The following ADCY5 variants were observed in gnomAD, a reference collection of about 807,000 sequenced individuals.
ADCY5 encodes adenylate cyclase type 5.
A neutral mutation model predicts 119.7 loss-of-function variants in ADCY5; 30 were observed. The observed-to-expected ratio is 0.25, with a 90% CI of 0.19 to 0.34. ADCY5 has a LOEUF of 0.34. Among genes scored for constraint, ADCY5 ranks in the 10% least tolerant of loss-of-function variants. ADCY5 has a pLI of 1.00. For missense variants in ADCY5, 1,324 were observed against 1,775.2 expected, an observed-to-expected ratio of 0.75 and a Z score of 4.57; for synonymous variants, 753 against 762.2, an observed-to-expected ratio of 0.99 and a Z score of 0.20.
intron 1 of ADCY5, among the ~76,000 whole-genome samples, chr3:123,379,675 G>C (rs1040516728): frequency 6.6e-6 from 1 of 151,966 alleles, no homozygotes; most frequent in Non-Finnish European, 1.5e-5. Context: ...TGCACAGAGC[G>C]GGGGTGGGTG....
In ADCY5 at chr3:123,291,166, C is replaced by T. The variant is rs1553717600; in HGVS notation, c.3274G>A (p.Glu1092Lys). The change falls in exon 18 of 21, where the codon GAG becomes AAG. Residue 1092 changes from glutamate to lysine, a missense_variant. By Grantham distance (56) the Glu-to-Lys change is moderately conservative. This residue lies in a region of ADCY5 where 178 missense variants were observed against 329.6 expected (regional missense o/e 0.54). Coordinates refer to ENST00000462833, the MANE Select transcript of ADCY5 (RefSeq NM_183357.3). ...AGTAGCCGCAGGCACTCGACACCCT[C>T]GTTGTTGGCCTCCAGCTCAACGTAG... ...EFYVELEANN[E>K]GVECLRLLNE... 6.2e-7 allele frequency: 1 copy of T among 1,614,114 alleles called. No homozygotes were observed.
At position 123,286,654 on chromosome 3, in the gene ADCY5, G is replaced by A. The variant is rs1938786712; in HGVS notation, c.3657+31C>T. On this transcript the variant is annotated intron_variant, in intron 20 of 20. Transcript: ENST00000462833. The surrounding 1 kb of genome is among the most constrained non-coding windows in gnomAD (Gnocchi z 4.2). ...GTGTCAGACACAGGACCTCCCATGG[G>A]GTGAGGGGTGGTGGATGCTCCTGCA... 1 of 1,581,558 alleles carries A rather than the reference G, an allele frequency of 6.3e-7. No homozygotes were observed. The highest frequency in any genetic ancestry group is 1.4e-5 in the African/African-American group (1 of 74,062).
intron 1 of ADCY5, among the ~76,000 whole-genome samples, chr3:123,410,913 G>A (rs1396715973): frequency 1.3e-5 from 2 of 151,994 alleles, no homozygotes; most frequent in African/African-American, 4.8e-5. Flanking sequence ...CTCCCAAAGT[G>A]CTGGGATTAC....
intron 1 of ADCY5, among the ~76,000 whole-genome samples, chr3:123,436,937 C>T (rs1945628798): frequency 6.6e-6 from 1 of 152,006 alleles, no homozygotes; most frequent in Admixed American, 6.6e-5. Flanking sequence ...TCAAGTCAGA[C>T]CTGGGTTAGA....
At position 123,289,895 on chromosome 3, in the gene ADCY5, G is replaced by A; in HGVS notation, c.3387C>T (p.Tyr1129=). Residue 1129 remains tyrosine, a synonymous_variant, in exon 19 of 21, where the codon TAC becomes TAT. Transcript: ENST00000462833. ...AGTCGTTGAGGCCGGAGGCAGCCATGTAGGTGCTGCCGATGGTCTTGATCT... is the reference window on the plus strand; with the variant it reads ...AGTCGTTGAGGCCGGAGGCAGCCATATAGGTGCTGCCGATGGTCTTGATCT... ...LEKIKTIGST[Y]MAASGLNDST... The A allele has an allele frequency of 3.1e-6, 5 of 1,614,218 alleles. No homozygotes were observed. Among genetic ancestry groups the A allele is most frequent in the Non-Finnish European group, 4.2e-6 (5 of 1,180,042 alleles).
chr3:123,319,646 G>A (rs772004871), intron 10 of ADCY5, 28 bp downstream of exon 10: 1 of 1,610,566 alleles, frequency 6.2e-7, no homozygotes, highest in African/African-American at 1.3e-5. Flanking sequence ...TCAGCACAGG[G>A]GCCTCCTTCC....
In ADCY5 at chr3:123,334,969, C is replaced by T. The variant is rs143044834; in HGVS notation, c.1407-2294G>A. 2.6e-5 allele frequency among the ~76,000 whole-genome samples: 4 copies of T among 152,246 alleles called. No homozygotes were observed. In the East Asian group the frequency reaches 7.7e-4, roughly 29 times the overall value. On this transcript the variant is annotated intron_variant, in intron 3 of 20. Coordinates refer to ENST00000462833, the MANE Select transcript of ADCY5 (RefSeq NM_183357.3). ...CTTTATATTCCCATGCTTTGACATC[C>T]AAGGCTCCCGAGAGTTGGTGCCTCC...
In ADCY5 at chr3:123,297,854, G is replaced by T. The variant is rs540749979; in HGVS notation, c.2901-472C>A. 6.1e-4 allele frequency among the ~76,000 whole-genome samples: 93 copies of T among 152,154 alleles called. 1 individual carries two copies. The South Asian group carries it at 0.018, about 30-fold the overall frequency. On this transcript the variant is annotated intron_variant, in intron 15 of 20. Coordinates refer to ENST00000462833, the MANE Select transcript of ADCY5 (RefSeq NM_183357.3). ...GTTTTGAATAATTAGTGTAAAAAAA[G>T]GTAAAATATTTCATTAAGAATTTTA...
At chr3:123,337,503 C>G (rs752082234) in intron 3 of ADCY5, among the ~76,000 whole-genome samples, 41 of 152,230 alleles carry the variant, frequency 2.7e-4, no homozygotes, top group Non-Finnish European at 5.3e-4. Context: ...GGGCCCTGCT[C>G]CCGCTGAAAC....
At chr3:123,312,923 C>A (rs531877664) in intron 12 of ADCY5, among the ~76,000 whole-genome samples, 16 of 141,434 alleles carry the variant, frequency 1.1e-4, no homozygotes, top group Admixed American at 3.4e-4. Context: ...GGGGCCTTGA[C>A]AACAGAAAGA....
At chr3:123,438,157 A>T (rs1010225474) in intron 1 of ADCY5, among the ~76,000 whole-genome samples, 2 of 152,212 alleles carry the variant, frequency 1.3e-5, no homozygotes, top group African/African-American at 4.8e-5. Context: ...TGTATCCTAA[A>T]GCGTGTCCTA....
chr3:123,334,008 T>A (rs1051993135), intron 3 of ADCY5, among the ~76,000 whole-genome samples: 2 of 152,152 alleles, frequency 1.3e-5, no homozygotes, highest in Non-Finnish European at 2.9e-5. Context: ...CTTTCACCCG[T>A]CCCTGTGGCT....
chr3:123,408,234 G>A (rs899545916), intron 1 of ADCY5, among the ~76,000 whole-genome samples: 11 of 151,954 alleles, frequency 7.2e-5, no homozygotes, highest in African/African-American at 1.7e-4. Flanking sequence ...GTCGTAACAC[G>A]TATTTTCAGT....
intron 18 of ADCY5, among the ~76,000 whole-genome samples, chr3:123,290,557 G>C (rs1416677396): frequency 1.3e-5 from 2 of 152,208 alleles, no homozygotes; most frequent in African/African-American, 4.8e-5. Context: ...CATCCCCAGT[G>C]CCTCCACACG....
intron 1 of ADCY5, 22 bp downstream of exon 1, chr3:123,447,390 C>T (rs199538724): frequency 7.2e-6 from 11 of 1,519,336 alleles, no homozygotes; most frequent in African/African-American, 1.4e-5. Flanking sequence ...AATCCAGTCC[C>T]GGTGGCCAGG....
At chr3:123,356,848 A>AT (rs368093318) in intron 1 of ADCY5, among the ~76,000 whole-genome samples, 2,654 of 150,744 alleles carry the variant, frequency 0.018, 73 homozygotes, top group African/African-American at 0.059. Context: ...ACTCTTAGGT[A>AT]TTTTTTTTTT....
chr3:123,408,654 T>TAA (rs1263526009), intron 1 of ADCY5, among the ~76,000 whole-genome samples: 9 of 122,454 alleles, frequency 7.3e-5, no homozygotes, highest in South Asian at 2.6e-4. Context: ...AGATTGCATC[T>TAA]AAAAAAAAAA....
At chr3:123,287,084 T>A (rs1938821608) in intron 19 of ADCY5, 2 of 344,118 alleles carry the variant, frequency 5.8e-6, no homozygotes, top group Admixed American at 8.9e-5. Flanking sequence ...TGCAATGCAG[T>A]TGCCTTTCCC....
At chr3:123,421,984 G>A (rs1052165111) in intron 1 of ADCY5, among the ~76,000 whole-genome samples, 8 of 152,126 alleles carry the variant, frequency 5.3e-5, no homozygotes, top group African/African-American at 1.9e-4. Context: ...GTGTGCTGTT[G>A]TTGTTATTGT....
Sources: allele counts gnomAD v4.1 joint callset (sites outside exome capture counted in the v4.1 genomes callset), GRCh38; gene constraint gnomAD v4.1.1; regional missense constraint gnomAD v4.1.1; non-coding constraint Gnocchi (gnomAD v3.1); transcripts MANE v1.5; gene names NCBI Gene and HGNC (gene_info 2026-07-23, HGNC 2026-07-21).